ARFGEF1: variants seen among roughly 807,000 people sequenced by gnomAD.
The protein encoded by ARFGEF1 is ARF guanine nucleotide exchange factor 1.
ARFGEF1 carries 42 observed loss-of-function variants against 231.0 expected under a neutral mutation model. The ratio of observed to expected loss-of-function variants is 0.18; its 90% CI spans 0.14 to 0.24. The LOEUF (loss-of-function observed/expected upper bound fraction) is 0.24, where lower values mean the gene tolerates loss of function less well. Among genes scored for constraint, ARFGEF1 ranks in the 10% least tolerant of loss-of-function variants. The pLI is 1.00. For synonymous variants in ARFGEF1, 710 were observed against 732.3 expected, an observed-to-expected ratio of 0.97 and a Z score of 0.49; for missense variants, 1,345 against 2,192.0, an observed-to-expected ratio of 0.61 and a Z score of 7.72.
intron 35 of ARFGEF1, among the ~76,000 whole-genome samples, chr8:67,203,892 G>A (rs760909240): frequency 6.6e-6 from 1 of 151,924 alleles, no homozygotes; most frequent in Admixed American, 6.6e-5. Context: ...TCCCCCTGCC[G>A]CCACATGGGA....
chr8:67,338,625 T>C (rs1225941220), intron 1 of ARFGEF1, among the ~76,000 whole-genome samples: 3 of 152,184 alleles, frequency 2.0e-5, no homozygotes, highest in African/African-American at 7.2e-5. Flanking sequence ...TCTGCAACAT[T>C]TATTTCAGTC....
intron 3 of ARFGEF1, among the ~76,000 whole-genome samples, chr8:67,300,719 C>T (rs943878343): frequency 6.6e-6 from 1 of 150,422 alleles, no homozygotes; most frequent in Non-Finnish European, 1.5e-5. Flanking sequence ...TTACACACAC[C>T]TGTATTCCCA....
chr8:67,334,495 T>C (rs1214267287), intron 1 of ARFGEF1, among the ~76,000 whole-genome samples: 1 of 152,148 alleles, frequency 6.6e-6, no homozygotes, highest in African/African-American at 2.4e-5. Flanking sequence ...GGTGGGTATG[T>C]AGGCTGGAAA....
At chr8:67,285,080 C>A (rs1029507046) in intron 7 of ARFGEF1, among the ~76,000 whole-genome samples, 1 of 148,504 alleles carries the variant, frequency 6.7e-6, no homozygotes, top group African/African-American at 2.5e-5. Flanking sequence ...TTCATTAAGC[C>A]CATGGTATTA....
chr8:67,219,371 T>TTA, intron 30 of ARFGEF1, 60 bp downstream of exon 30: 1 of 1,554,030 alleles, frequency 6.4e-7, no homozygotes, highest in African/African-American at 1.4e-5. Flanking sequence ...AATGTATTGA[T>TTA]TATAATACTG....
Position 67,259,842 on chromosome 8 carries a change from G to T in ARFGEF1, c.2208C>A (p.Phe736Leu), listed in dbSNP as rs1006949529. The change falls in exon 15 of 39, where the codon TTC becomes TTA. Residue 736 changes from phenylalanine (F) to leucine (L), a missense_variant. Around this residue, in one of 14 missense-constraint regions of ARFGEF1, gnomAD observed 105 missense variants for 159.3 expected, o/e 0.66. Transcript: ENST00000262215. ...LGTTPEDIAQ[F>L]LHQEERLDST... Reference sequence around the variant, plus strand: ...AGTCTAATCTTTCCTCTTGATGTAAGAATTGGGCAATATCTTCAGGTGTGG... The same window carrying T: ...AGTCTAATCTTTCCTCTTGATGTAATAATTGGGCAATATCTTCAGGTGTGG... 14 of 1,611,024 alleles carry T rather than the reference G, an allele frequency of 8.7e-6. No homozygotes were observed. The highest frequency in any genetic ancestry group is 2.2e-5 in the East Asian group (1 of 44,838).
chr8:67,331,051 GAAGT>G (rs936432056), intron 1 of ARFGEF1, among the ~76,000 whole-genome samples: 8 of 151,846 alleles, frequency 5.3e-5, no homozygotes, highest in South Asian at 2.1e-4. Context: ...TTTGGAAAAA[GAAGT>G]AATATTATTA....
At chr8:67,185,121 A>C (rs1563782548) in intron 5 of ARFGEF1, among the ~76,000 whole-genome samples, 17 of 141,508 alleles carry the variant, frequency 1.2e-4, no homozygotes, top group African/African-American at 4.6e-4. Flanking sequence ...AAAAAAACAA[A>C]AACAAACAAA....
At chr8:67,337,017 T>C (rs959163827) in intron 1 of ARFGEF1, among the ~76,000 whole-genome samples, 1 of 150,620 alleles carries the variant, frequency 6.6e-6, no homozygotes, top group Admixed American at 6.7e-5. Context: ...CGAGATTAGC[T>C]ACTCGAGAGG....
chr8:67,236,272 C>T (rs535831524), intron 22 of ARFGEF1, among the ~76,000 whole-genome samples: 45 of 135,120 alleles, frequency 3.3e-4, no homozygotes, highest in African/African-American at 1.2e-3. Context: ...GAGTTGAGAT[C>T]GCACCACCGC....
downstream of ARFGEF1, chr8:67,175,361 G>C: frequency 6.2e-7 from 1 of 1,614,022 alleles, no homozygotes; most frequent in Non-Finnish European, 8.5e-7. Context: ...TCACACCTTA[G>C]AGATTCAGCA....
Position 67,302,328 on chromosome 8 carries a change from C to T in ARFGEF1, c.155+108G>A, listed in dbSNP as rs988841918. On this transcript the variant is annotated intron_variant, in intron 2 of 38. Transcript: ENST00000262215. ...TTTTAAAGTTGATTTTACTATAAAACTCACATGCAGAGAATTTGCCACACT... is the reference window on the plus strand; with the variant it reads ...TTTTAAAGTTGATTTTACTATAAAATTCACATGCAGAGAATTTGCCACACT... The T allele has an allele frequency of 2.5e-5, 16 of 646,218 alleles. No homozygotes were observed. The Middle Eastern group carries it at 1.9e-3, about 76-fold the overall frequency. 40.0% of individuals were successfully genotyped at this position (646,218 alleles called of 1,614,324 possible).
rs376199872 is a variant in ARFGEF1 at position 67,343,308 on chromosome 8, C to G, written c.-21G>C. 8 of 1,607,992 alleles carry G rather than the reference C, an allele frequency of 5.0e-6. No individual in the cohort carries two copies. In the African/African-American group the frequency reaches 9.4e-5, roughly 19 times the overall value. ...TACATGGACGCAGAGAAGGAGGCGG[C>G]GGCTCGTCCGACCCGCGGCTCCCAG... On this transcript the variant is annotated 5_prime_UTR_variant, in exon 1 of 39. Coordinates refer to ENST00000262215, the MANE Select transcript of ARFGEF1 (RefSeq NM_006421.5).
intron 20 of ARFGEF1, 60 bp downstream of exon 20, chr8:67,240,102 T>C (rs1253646021): frequency 1.3e-6 from 2 of 1,571,710 alleles, no homozygotes; most frequent in South Asian, 1.2e-5. Context: ...ATTTAAACTA[T>C]TGTAATGGCA....
chr8:67,285,808 T>C (rs865901193), intron 7 of ARFGEF1, among the ~76,000 whole-genome samples: 1 of 152,214 alleles, frequency 6.6e-6, no homozygotes, highest in African/African-American at 2.4e-5. Context: ...TCTACTCATA[T>C]AGGATGGTAA....
chr8:67,222,573 C>A (rs983255630), intron 29 of ARFGEF1, among the ~76,000 whole-genome samples: 2 of 152,114 alleles, frequency 1.3e-5, no homozygotes, highest in Non-Finnish European at 2.9e-5. Context: ...GCCTCAGCCT[C>A]CTAAGTAGCT....
At chr8:67,266,312 G>C in intron 13 of ARFGEF1, 105 bp from the exon 14 acceptor site, 1 of 796,344 alleles carries the variant, frequency 1.3e-6, no homozygotes, top group Non-Finnish European at 2.0e-6. Context: ...ATGTTGCTTA[G>C]ATATCTATTT....
chr8:67,179,850 A>G, intron 5 of ARFGEF1: 1 of 1,568,134 alleles, frequency 6.4e-7, no homozygotes, highest in South Asian at 1.1e-5. Flanking sequence ...TCATTGAAAC[A>G]TGTTTCTTTT....
chr8:67,205,097 T>C (rs902989891), intron 34 of ARFGEF1, among the ~76,000 whole-genome samples: 5 of 152,226 alleles, frequency 3.3e-5, no homozygotes, highest in African/African-American at 1.2e-4. Context: ...CAGCTTTGAA[T>C]GCAGCCCAAC....
Sources: allele counts gnomAD v4.1 joint callset (sites outside exome capture counted in the v4.1 genomes callset), GRCh38; gene constraint gnomAD v4.1.1; regional missense constraint gnomAD v4.1.1; transcripts MANE v1.5; gene names NCBI Gene and HGNC (gene_info 2026-07-23, HGNC 2026-07-21).